Variants in PCSK6 observed in about 807,000 individuals in gnomAD.
PCSK6 encodes the protein proprotein convertase subtilisin/kexin type 6, also known as paired basic amino acid cleaving enzyme 4.
In PCSK6, 85 loss-of-function variants were observed where a neutral mutation model predicts 123.3. That is an observed-to-expected ratio of 0.69 (90% CI 0.58 to 0.83). The LOEUF (loss-of-function observed/expected upper bound fraction) is 0.83, where lower values mean the gene tolerates loss of function less well. PCSK6 is among the 40% of genes least tolerant of loss of function. PCSK6 has a pLI of 0.00. For missense variants in PCSK6, 1,191 were observed against 1,282.3 expected (o/e 0.93, Z 1.09); for synonymous variants, 508 against 516.0 (o/e 0.98, Z 0.21).
At chr15:101,456,861 G>T (rs115405405) in intron 1 of PCSK6, among the ~76,000 whole-genome samples, 14 of 152,174 alleles carry the variant, frequency 9.2e-5, no homozygotes, top group African/African-American at 3.1e-4. Flanking sequence ...CATGACCAAG[G>T]ACACTCCAGA....
In PCSK6 at chr15:101,428,907, G is replaced by T. The variant is rs562456437; in HGVS notation, c.735-927C>A. 2.0e-5 allele frequency among the ~76,000 whole-genome samples: 3 copies of T among 152,286 alleles called. No homozygotes were observed. In the East Asian group the frequency reaches 5.8e-4, roughly 29 times the overall value. On this transcript the variant is annotated intron_variant, in intron 5 of 21. Coordinates refer to ENST00000611716, the MANE Select transcript of PCSK6 (RefSeq NM_002570.5). The stretch of plus-strand genomic sequence containing the variant: ...TCAAGGGTCACTGCGTGGTATGTGG[G>T]TCATTCCTCCTTTGCCCCAGGCATC...
At chr15:101,358,141 C>A (rs1018168584) in intron 13 of PCSK6, among the ~76,000 whole-genome samples, 5 of 152,132 alleles carry the variant, frequency 3.3e-5, no homozygotes, top group Non-Finnish European at 5.9e-5. Context: ...CCTCCCAGGG[C>A]CTGGGGAGCA....
chr15:101,370,209 C>T (rs2041534267), intron 12 of PCSK6, 126 bp downstream of exon 12: 2 of 714,362 alleles, frequency 2.8e-6, no homozygotes, highest in South Asian at 9.9e-5. Context: ...GCCAGCAGAA[C>T]CAGTGGGAGT....
chr15:101,322,927 G>A (rs1871976), intron 17 of PCSK6, among the ~76,000 whole-genome samples: 109,657 of 151,728 alleles, frequency 0.72, 39,986 homozygotes, highest in African/African-American at 0.81. Context: ...AAATCTTCAT[G>A]AAAGTGGCCG....
intron 18 of PCSK6, among the ~76,000 whole-genome samples, chr15:101,321,759 G>A (rs565018260): frequency 6.6e-6 from 1 of 152,230 alleles, no homozygotes; most frequent in African/African-American, 2.4e-5. Context: ...ATGCAGAGTC[G>A]TGGGCTCTGC....
chr15:101,350,130 A>G (rs2040852772), intron 13 of PCSK6, among the ~76,000 whole-genome samples: 1 of 151,798 alleles, frequency 6.6e-6, no homozygotes, highest in South Asian at 2.1e-4. Context: ...CTGGTCTCCA[A>G]CTCCTGACCT....
At chr15:101,369,255 G>A (rs2041501214) in intron 12 of PCSK6, among the ~76,000 whole-genome samples, 1 of 152,256 alleles carries the variant, frequency 6.6e-6, no homozygotes. Flanking sequence ...TTGCATTGCT[G>A]CTGAGTCAAT....
Position 101,443,587 on chromosome 15 carries a change from C to A in PCSK6, c.371G>T (p.Gly124Val), listed in dbSNP as rs770454345. The A allele has an allele frequency of 1.2e-6, 2 of 1,613,814 alleles. No homozygotes were observed. Among genetic ancestry groups the A allele is most frequent in the Non-Finnish European group, 1.7e-6 (2 of 1,179,728 alleles). Residue 124 changes from glycine to valine, a missense_variant, in exon 2 of 22, where the codon GGC (glycine) becomes GTC (valine). Gly to Val is a moderately radical substitution (Grantham distance 109). This residue lies in a region of PCSK6 where 204 missense variants were observed against 166.4 expected (regional missense o/e 1.23). Transcript: ENST00000611716. Reference protein sequence around the residue: ...TFKRSTLSSRGPHTFLRMDPQ... With the variant: ...TFKRSTLSSRVPHTFLRMDPQ... ...GTCCATTCTGAGGAAGGTGTGAGGG[C>A]CTCTGCTACTCAAGGTTGATCTTTT...
chr15:101,483,721 T>A (rs899567348), intron 1 of PCSK6, among the ~76,000 whole-genome samples: 1 of 152,238 alleles, frequency 6.6e-6, no homozygotes, highest in East Asian at 1.9e-4. Context: ...CGAGGGTGAC[T>A]GGAAGGAGAA....
intron 11 of PCSK6, among the ~76,000 whole-genome samples, chr15:101,379,777 G>A (rs1403218604): frequency 5.9e-5 from 9 of 152,202 alleles, no homozygotes; most frequent in South Asian, 2.1e-4. Flanking sequence ...TGGGAACCCC[G>A]ATGGGGAAAA....
At position 101,478,067 on chromosome 15, in the gene PCSK6, C is replaced by T. The variant is rs112620692; in HGVS notation, c.297+11307G>A. On this transcript the variant is annotated intron_variant, in intron 1 of 21. Transcript: ENST00000611716. ...ACTTAGAAAGCCCCAAGCCAAGCTC[C>T]GTGGCGGCTCACATGCCACCTGCTC... Among the ~76,000 whole-genome samples, 47 of 152,226 alleles carry T rather than the reference C, an allele frequency of 3.1e-4. 3 individuals are homozygous for T. The highest frequency in any genetic ancestry group is 9.1e-4 in the African/African-American group (38 of 41,534).
intron 8 of PCSK6, among the ~76,000 whole-genome samples, chr15:101,390,788 A>G (rs984847301): frequency 2.0e-5 from 3 of 152,220 alleles, no homozygotes; most frequent in Non-Finnish European, 4.4e-5. Flanking sequence ...GTGAGACTCA[A>G]AGCAGAGACT....
chr15:101,464,516 G>A (rs1383342833), intron 1 of PCSK6, among the ~76,000 whole-genome samples: 3 of 152,212 alleles, frequency 2.0e-5, no homozygotes, highest in Non-Finnish European at 2.9e-5. Context: ...ATCCTGCAGA[G>A]CTGTGGTTCT....
chr15:101,344,185 T>A (rs990378627), intron 13 of PCSK6, among the ~76,000 whole-genome samples: 4 of 152,264 alleles, frequency 2.6e-5, no homozygotes, highest in Admixed American at 2.6e-4. Flanking sequence ...TTGCATCTTC[T>A]ATTATTATGA....
rs533759656 is a variant in PCSK6 at position 101,398,935 on chromosome 15, C to CTCTG, written c.824-363_824-360dup. ...ATTATTATTTTGAGACAGAGTCTCA[C>CTCTG]TCTGTCACCCAGGCTGGAGGGCAGT... On this transcript the variant is annotated intron_variant, in intron 6 of 21. Transcript: ENST00000611716. This position sits in a 1 kb window ranked among gnomAD's most constrained non-coding sequence, Gnocchi z 4.6. Among the ~76,000 whole-genome samples, 93 of 151,834 alleles carry CTCTG rather than the reference C, an allele frequency of 6.1e-4. No homozygotes were observed. Among genetic ancestry groups the CTCTG allele is most frequent in the Non-Finnish European group, 1.1e-3 (77 of 68,034 alleles).
chr15:101,456,876 G>A (rs2057197590), intron 1 of PCSK6, among the ~76,000 whole-genome samples: 3 of 152,178 alleles, frequency 2.0e-5, no homozygotes, highest in Admixed American at 6.5e-5. Context: ...TCCAGAGGGA[G>A]TATCAAGATC....
chr15:101,416,664 G>A (rs35522953), intron 6 of PCSK6, among the ~76,000 whole-genome samples: 25,182 of 152,214 alleles, frequency 0.17, 2,346 homozygotes, highest in East Asian at 0.35. Context: ...CAGGGTCCTC[G>A]TACTGTATGC....
chr15:101,355,631 G>A (rs2041014541), intron 13 of PCSK6, among the ~76,000 whole-genome samples: 1 of 152,266 alleles, frequency 6.6e-6, no homozygotes, highest in Non-Finnish European at 1.5e-5. Flanking sequence ...AGGTAAGTGT[G>A]TGCTGCATGA....
rs149576045 is a variant in PCSK6, at chr15:101,341,407, G to A, written c.1859-9376C>T. Among the ~76,000 whole-genome samples the A allele has an allele frequency of 1.3e-3, 195 of 151,770 alleles. 1 individual carries two copies. The highest frequency in any genetic ancestry group is 4.3e-3 in the African/African-American group (178 of 41,374). ...AGGATTAGTAGTTGGGATTACAGGC[G>A]CCTGCCACCACGCCTGGCTAATTTT... On this transcript the variant is annotated intron_variant, in intron 13 of 21. Coordinates refer to ENST00000611716, the MANE Select transcript of PCSK6 (RefSeq NM_002570.5).
Sources: gnomAD v4.1 joint callset for allele counts (sites outside exome capture counted in the v4.1 genomes callset) on GRCh38, gnomAD v4.1.1 for gene constraint, gnomAD v4.1.1 regional missense constraint, Gnocchi (gnomAD v3.1) non-coding constraint, MANE v1.5 for transcripts, NCBI Gene and HGNC (gene_info 2026-07-23, HGNC 2026-07-21) for gene names.